GRM3: variants seen among roughly 807,000 people sequenced by gnomAD.
The protein encoded by GRM3 is metabotropic glutamate receptor 3.
GRM3 carries 26 observed loss-of-function variants against 70.5 expected under a neutral mutation model. That is an observed-to-expected ratio of 0.37 (90% confidence interval 0.27 to 0.51). The LOEUF is 0.51. Among genes scored for constraint, GRM3 ranks in the 20% least tolerant of loss-of-function variants. The pLI, the probability that GRM3 is intolerant of heterozygous loss-of-function variation, is 0.93. For synonymous variants in GRM3, 443 were observed against 434.9 expected (o/e 1.02, Z -0.23); for missense variants, 859 against 1,123.8 (o/e 0.76, Z 3.37).
At chr7:86,729,622 A>G (rs535522885) in intron 1 of GRM3, among the ~76,000 whole-genome samples, 4 of 152,366 alleles carry the variant, frequency 2.6e-5, no homozygotes, top group African/African-American at 9.6e-5. Flanking sequence ...ATATATACGC[A>G]TATGAAATTA....
chr7:86,783,653 G>A (rs1326499401), intron 2 of GRM3, among the ~76,000 whole-genome samples: 2 of 152,088 alleles, frequency 1.3e-5, no homozygotes, highest in Non-Finnish European at 2.9e-5. Flanking sequence ...GAAAGAGAAA[G>A]GAGAGAGACT....
rs1008930553 is a variant in GRM3, at chr7:86,697,571, A to G, written c.-141+52699A>G. Among the ~76,000 whole-genome samples, 3 of 152,260 alleles carry G rather than the reference A, an allele frequency of 2.0e-5. No homozygotes were observed. In the East Asian group the frequency reaches 5.8e-4, roughly 29 times the overall value. On this transcript the variant is annotated intron_variant, in intron 1 of 5. Coordinates refer to ENST00000361669, the MANE Select transcript of GRM3 (RefSeq NM_000840.3). The stretch of plus-strand genomic sequence containing the variant: ...TTTCCCCACGTTATCAATTTTCCTA[A>G]AAGTGTAAGTTTAGAATTAATTTCA...
intron 3 of GRM3, among the ~76,000 whole-genome samples, chr7:86,823,952 C>G (rs1185854346): frequency 6.6e-6 from 1 of 152,102 alleles, no homozygotes; most frequent in Admixed American, 6.6e-5. Context: ...TCTTCCTTCC[C>G]CACCTGTTGC....
At chr7:86,769,085 AT>A (rs1207877242) in intron 2 of GRM3, among the ~76,000 whole-genome samples, 1 of 152,068 alleles carries the variant, frequency 6.6e-6, no homozygotes, top group African/African-American at 2.4e-5. Context: ...CGAGGGAAAC[AT>A]TTTTGGAGAG....
intron 2 of GRM3, among the ~76,000 whole-genome samples, chr7:86,770,036 G>T (rs951771183): frequency 6.6e-6 from 1 of 152,096 alleles, no homozygotes; most frequent in African/African-American, 2.4e-5. Context: ...TGTCTACATG[G>T]TACTTGTTTT....
At chr7:86,779,805 G>T (rs1057397865) in intron 2 of GRM3, among the ~76,000 whole-genome samples, 2 of 152,118 alleles carry the variant, frequency 1.3e-5, no homozygotes, top group African/African-American at 4.8e-5. Flanking sequence ...CAGTAAGTCA[G>T]AGATTCTCCA....
At chr7:86,716,125 A>G (rs1431662691) in intron 1 of GRM3, among the ~76,000 whole-genome samples, 1 of 152,020 alleles carries the variant, frequency 6.6e-6, no homozygotes, top group Non-Finnish European at 1.5e-5. Flanking sequence ...AGTAGAGATA[A>G]AGATCCTCAA....
chr7:86,685,799 A>G (rs1794551122), intron 1 of GRM3, among the ~76,000 whole-genome samples: 1 of 151,590 alleles, frequency 6.6e-6, no homozygotes, highest in Non-Finnish European at 1.5e-5. Context: ...CAAGCTACTC[A>G]CAAGGCTGAG....
chr7:86,661,585 T>G (rs1793894471), intron 1 of GRM3, among the ~76,000 whole-genome samples: 1 of 152,098 alleles, frequency 6.6e-6, no homozygotes, highest in African/African-American at 2.4e-5. Flanking sequence ...ACAACTTCAG[T>G]GTTCTTTTCC....
intron 5 of GRM3, among the ~76,000 whole-genome samples, chr7:86,855,671 T>C (rs545892687): frequency 1.3e-5 from 2 of 152,274 alleles, no homozygotes; most frequent in East Asian, 3.9e-4. Context: ...ATAAAAAGAT[T>C]AAGTGAACAC....
intron 1 of GRM3, among the ~76,000 whole-genome samples, chr7:86,761,847 G>C (rs538857250): frequency 6.6e-6 from 1 of 152,098 alleles, no homozygotes; most frequent in East Asian, 1.9e-4. Flanking sequence ...TTCTTTCAGC[G>C]TAATGCTGTG....
At chr7:86,709,339 C>T (rs1445731570) in intron 1 of GRM3, among the ~76,000 whole-genome samples, 8 of 152,092 alleles carry the variant, frequency 5.3e-5, no homozygotes, top group Non-Finnish European at 1.0e-4. Flanking sequence ...CCTACCCATC[C>T]TACTCCACTG....
At chr7:86,811,640 T>C (rs1797910888) in intron 3 of GRM3, among the ~76,000 whole-genome samples, 1 of 151,826 alleles carries the variant, frequency 6.6e-6, no homozygotes, top group African/African-American at 2.4e-5. Context: ...TTGGATGCAA[T>C]ATTTGGGCAA....
chr7:86,662,930 T>C (rs1460590546), intron 1 of GRM3, among the ~76,000 whole-genome samples: 1 of 151,996 alleles, frequency 6.6e-6, no homozygotes, highest in African/African-American at 2.4e-5. Flanking sequence ...ATTTCTCTTG[T>C]AGTCTTTTCT....
At chr7:86,774,112 A>T (rs1195223297) in intron 2 of GRM3, among the ~76,000 whole-genome samples, 1 of 152,102 alleles carries the variant, frequency 6.6e-6, no homozygotes, top group East Asian at 1.9e-4. Context: ...AACCTATGAT[A>T]TTTTGCCTTA....
chr7:86,784,334 T>C (rs901175762), intron 2 of GRM3: 15 of 152,222 alleles, frequency 9.9e-5, no homozygotes, highest in Non-Finnish European at 1.3e-4. Context: ...AGATATTTTT[T>C]AGGTCCTTTC....
rs761529791 is a variant in GRM3, at chr7:86,727,813, G to A, written c.-140-37193G>A. Reference sequence around the variant, plus strand: ...TTGGCTTTTGTACCAAATCTGGCCCGCCACCTGCTTTTACACAAACTTGTA... The same window carrying A: ...TTGGCTTTTGTACCAAATCTGGCCCACCACCTGCTTTTACACAAACTTGTA... On this transcript the variant is annotated intron_variant, in intron 1 of 5. Coordinates refer to ENST00000361669, the MANE Select transcript of GRM3 (RefSeq NM_000840.3). Among the ~76,000 whole-genome samples, 18 of 152,058 alleles carry A rather than the reference G, an allele frequency of 1.2e-4. 1 individual carries two copies. Among genetic ancestry groups the A allele is most frequent in the South Asian group, 6.2e-4 (3 of 4,834 alleles).
rs2116738549 is a variant in GRM3, at chr7:86,839,683, G to A, written c.2169G>A (p.Arg723=). 6.2e-7 allele frequency: 1 copy of A among 1,613,914 alleles called. No individual in the cohort carries two copies. Residue 723 remains arginine, a synonymous_variant, in exon 4 of 6, where the codon CGG becomes CGA. Coordinates refer to ENST00000361669, the MANE Select transcript of GRM3 (RefSeq NM_000840.3). This position sits in a 1 kb window ranked among gnomAD's most constrained non-coding sequence, Gnocchi z 4.5. ...GTRRYTLAEK[R]ETVILKCNVK... is the part of the protein sequence containing the mutation. ...GGAGGTATACCCTTGCAGAGAAGCG[G>A]GAAACAGTCATCCTAAAATGCAATG... is the stretch of plus-strand genomic sequence containing the variant.
At chr7:86,820,261 G>A (rs62488011) in intron 3 of GRM3, among the ~76,000 whole-genome samples, 9,731 of 152,194 alleles carry the variant, frequency 0.064, 430 homozygotes, top group Non-Finnish European at 0.1. Flanking sequence ...AAATAGCTGT[G>A]AGTGTGTCTT....
Sources: allele counts gnomAD v4.1 joint callset (sites outside exome capture counted in the v4.1 genomes callset), GRCh38; gene constraint gnomAD v4.1.1; non-coding constraint Gnocchi (gnomAD v3.1); transcripts MANE v1.5; gene names NCBI Gene and HGNC (gene_info 2026-07-23, HGNC 2026-07-21).